Variants in FAM120C observed in about 807,000 individuals in gnomAD.
The protein encoded by FAM120C is family with sequence similarity 120 member C.
FAM120C carries 14 observed loss-of-function variants against 71.2 expected under a neutral mutation model. The ratio of observed to expected loss-of-function variants is 0.20; its 90% CI spans 0.13 to 0.31. The LOEUF (loss-of-function observed/expected upper bound fraction) is 0.31. Among genes scored for constraint, FAM120C ranks in the 10% least tolerant of loss-of-function variants. The pLI is 1.00. For missense variants in FAM120C, 500 were observed against 879.0 expected (o/e 0.57, Z 5.45); for synonymous variants, 354 against 353.2 (o/e 1.00, Z -0.03).
At chrX:54,080,175 G>T in intron 15 of FAM120C, 57 bp downstream of exon 15, 2 of 1,011,593 alleles carry the variant, frequency 2.0e-6, no homozygotes, top group Non-Finnish European at 2.8e-6. Context: ...TTTTAGTTTA[G>T]CTGAAAAGGC....
Position 54,069,048 on chromosome X carries a change from C to T in FAM120C, c.*3985G>A, listed in dbSNP as rs2066699566. The T allele has an allele frequency of 1.8e-5, 2 of 111,473 alleles. No individual in the cohort carries two copies. The highest frequency in any genetic ancestry group is 3.8e-5 in the Non-Finnish European group (2 of 53,038). The allele number at this position is 111,473 out of a possible 1,213,427, so 9.2% of individuals were successfully genotyped here. ...CAATGTCAAAAGCTGAAATGGGCACCCTAGCACAGGGGATTTTTTTATTTT... is the reference window on the plus strand; with the variant it reads ...CAATGTCAAAAGCTGAAATGGGCACTCTAGCACAGGGGATTTTTTTATTTT... On this transcript the variant is annotated 3_prime_UTR_variant, in exon 16 of 16. Transcript: ENST00000375180.
chrX:54,117,647 A>C (rs1262254837), intron 9 of FAM120C, among the ~76,000 whole-genome samples: 1 of 108,956 alleles, frequency 9.2e-6, no homozygotes, highest in African/African-American at 3.3e-5. Flanking sequence ...GCAGTGAGCC[A>C]AGATCAAGTC....
intron 9 of FAM120C, among the ~76,000 whole-genome samples, chrX:54,131,180 C>G (rs1024091809): frequency 2.7e-5 from 3 of 112,041 alleles, no homozygotes; most frequent in Non-Finnish European, 5.6e-5. Context: ...TTCAATGTCT[C>G]CAACTACCTA....
intron 3 of FAM120C, among the ~76,000 whole-genome samples, chrX:54,152,716 G>A (rs2067189929): frequency 8.9e-6 from 1 of 112,620 alleles, no homozygotes; most frequent in Admixed American, 9.4e-5. Flanking sequence ...TTTATAAATT[G>A]TTTTGCCAAA....
At chrX:54,126,557 CTG>C (rs1329065863) in intron 9 of FAM120C, among the ~76,000 whole-genome samples, 3 of 112,384 alleles carry the variant, frequency 2.7e-5, no homozygotes, top group Non-Finnish European at 5.6e-5. Context: ...CAAGGAATGA[CTG>C]TATGTTAGCT....
chrX:54,109,516 G>A (rs1004114160), intron 10 of FAM120C, among the ~76,000 whole-genome samples: 92 of 109,030 alleles, frequency 8.4e-4, no homozygotes, highest in Non-Finnish European at 1.5e-3. Flanking sequence ...TTGGGAGGCC[G>A]AGGTGGGAGG....
intron 10 of FAM120C, among the ~76,000 whole-genome samples, chrX:54,104,762 C>T (rs374230153): frequency 9.3e-6 from 1 of 107,866 alleles, no homozygotes; most frequent in Non-Finnish European, 1.9e-5. Context: ...GAGCCAAGAT[C>T]GTGCCACTGC....
At chrX:54,102,116 C>T (rs1196923648) in intron 10 of FAM120C, among the ~76,000 whole-genome samples, 1 of 109,830 alleles carries the variant, frequency 9.1e-6, no homozygotes, top group African/African-American at 3.3e-5. Context: ...CTCACTGCAG[C>T]CTCCACCTCC....
intron 3 of FAM120C, among the ~76,000 whole-genome samples, chrX:54,151,943 T>A (rs1329803786): frequency 9.0e-6 from 1 of 111,481 alleles, no homozygotes; most frequent in Non-Finnish European, 1.9e-5. Context: ...GGCAAAATAC[T>A]GGTAACTGTT....
intron 9 of FAM120C, among the ~76,000 whole-genome samples, chrX:54,126,214 C>T (rs1254193278): frequency 8.9e-6 from 1 of 111,940 alleles, no homozygotes; most frequent in Non-Finnish European, 1.9e-5. Context: ...TCTTGCCTTA[C>T]TGGTCTGGCT....
chrX:54,144,712 A>G (rs1557132177), intron 4 of FAM120C, among the ~76,000 whole-genome samples: 1 of 112,554 alleles, frequency 8.9e-6, no homozygotes, highest in African/African-American at 3.2e-5. Context: ...GATAGGAAGA[A>G]TCAATATTGT....
At chrX:54,110,011 CTTTTTT>C (rs782078837) in intron 10 of FAM120C, among the ~76,000 whole-genome samples, 9 of 61,436 alleles carry the variant, frequency 1.5e-4, no homozygotes, top group Non-Finnish European at 2.2e-4. Flanking sequence ...AGAAAAATAT[CTTTTTT>C]TTTTTTTTTT....
chrX:54,176,683 T>C (rs1300504897), intron 1 of FAM120C, among the ~76,000 whole-genome samples: 6 of 111,771 alleles, frequency 5.4e-5, no homozygotes, highest in Non-Finnish European at 1.1e-4. Flanking sequence ...TTAGATGGAA[T>C]TAACATATAA....
chrX:54,175,335 C>A (rs2067311048), intron 1 of FAM120C, among the ~76,000 whole-genome samples: 1 of 110,218 alleles, frequency 9.1e-6, no homozygotes. Context: ...AGAACAGGTG[C>A]TCAAAAATAT....
chrX:54,073,976 C>G (rs1444098142), intron 15 of FAM120C, among the ~76,000 whole-genome samples: 5 of 110,456 alleles, frequency 4.5e-5, no homozygotes, highest in African/African-American at 1.6e-4. Flanking sequence ...CAGGCGTGCA[C>G]CACCACATCC....
intron 14 of FAM120C, 51 bp from the exon 15 acceptor site, chrX:54,080,340 C>A: frequency 3.0e-6 from 3 of 1,012,127 alleles, no homozygotes; most frequent in Non-Finnish European, 4.2e-6. Flanking sequence ...AGCCCACACA[C>A]CCCTTTTCAC....
At chrX:54,147,096 A>AC (rs1603361709) in intron 4 of FAM120C, among the ~76,000 whole-genome samples, 1 of 110,948 alleles carries the variant, frequency 9.0e-6, no homozygotes, top group East Asian at 2.8e-4. Flanking sequence ...CGGACGGATC[A>AC]CCTGAGGTCA....
At chrX:54,073,462 G>A (rs930402479) in intron 15 of FAM120C, among the ~76,000 whole-genome samples, 175 bp from the exon 16 acceptor site, 8 of 107,482 alleles carry the variant, frequency 7.4e-5, no homozygotes, top group South Asian at 4.1e-4. Flanking sequence ...ACGGAGTCTC[G>A]CTCTGTCGCC....
chrX:54,173,816 G>A (rs2067301888), intron 1 of FAM120C: 1 of 241,709 alleles, frequency 4.1e-6, no homozygotes, highest in Non-Finnish European at 7.4e-6. Context: ...CTATTTCTGT[G>A]TAACAAAGTA....
Sources: gnomAD v4.1 joint callset for allele counts (sites outside exome capture counted in the v4.1 genomes callset) on GRCh38, gnomAD v4.1.1 for gene constraint, MANE v1.5 for transcripts, NCBI Gene and HGNC (gene_info 2026-07-23, HGNC 2026-07-21) for gene names.